Variants in ZFPM2 observed in about 807,000 individuals in gnomAD.
ZFPM2 encodes the protein zinc finger protein ZFPM2.
Under a neutral mutation model 98.6 loss-of-function variants are expected in ZFPM2, and 20 were observed. The ratio of observed to expected loss-of-function variants is 0.20; its 90% CI spans 0.14 to 0.29. The LOEUF (loss-of-function observed/expected upper bound fraction) is 0.29. Among genes scored for constraint, ZFPM2 ranks in the 10% least tolerant of loss-of-function variants. The pLI is 1.00. For synonymous variants in ZFPM2, 518 were observed against 502.7 expected (o/e 1.03, Z -0.41); for missense variants, 1,310 against 1,388.6 (o/e 0.94, Z 0.90).
At chr8:105,700,726 G>T (rs1811122114) in intron 5 of ZFPM2, among the ~76,000 whole-genome samples, 1 of 152,070 alleles carries the variant, frequency 6.6e-6, no homozygotes, top group Non-Finnish European at 1.5e-5. Context: ...CTCCTGAGTA[G>T]CTGGGATTAC....
intron 2 of ZFPM2, among the ~76,000 whole-genome samples, chr8:105,426,961 CA>C (rs1176392400): frequency 6.6e-6 from 1 of 151,518 alleles, no homozygotes; most frequent in Non-Finnish European, 1.5e-5. Flanking sequence ...CACCTGAAAA[CA>C]AAAAAATAGT....
intron 3 of ZFPM2, among the ~76,000 whole-genome samples, chr8:105,447,146 T>A (rs907634485): frequency 6.6e-6 from 1 of 152,002 alleles, no homozygotes; most frequent in African/African-American, 2.4e-5. Context: ...ATTGTTTTCC[T>A]GTCTTAAAAT....
At chr8:105,721,968 A>G (rs976069164) in intron 5 of ZFPM2, among the ~76,000 whole-genome samples, 3 of 151,966 alleles carry the variant, frequency 2.0e-5, no homozygotes, top group African/African-American at 7.2e-5. Flanking sequence ...CAAAGACTTA[A>G]TACTATATAT....
At chr8:105,769,060 T>C (rs529866405) in intron 5 of ZFPM2, among the ~76,000 whole-genome samples, 62 of 152,112 alleles carry the variant, frequency 4.1e-4, no homozygotes, top group African/African-American at 1.4e-3. Flanking sequence ...ATTTGGAAGT[T>C]TGAAGAAAAC....
chr8:105,570,716 C>A (rs774793119), intron 4 of ZFPM2, among the ~76,000 whole-genome samples: 23 of 152,120 alleles, frequency 1.5e-4, no homozygotes, highest in Admixed American at 4.6e-4. Flanking sequence ...TGAAGTCTTT[C>A]CAGGTTCTTT....
At chr8:105,470,312 T>C (rs1207535814) in intron 3 of ZFPM2, among the ~76,000 whole-genome samples, 1 of 152,178 alleles carries the variant, frequency 6.6e-6, no homozygotes, top group East Asian at 1.9e-4. Flanking sequence ...AGGTGACCTT[T>C]GAAAAGTAAG....
intron 3 of ZFPM2, among the ~76,000 whole-genome samples, chr8:105,446,277 T>C (rs767260428): frequency 4.6e-5 from 7 of 152,206 alleles, no homozygotes; most frequent in Admixed American, 1.3e-4. Context: ...TGTTTTTACA[T>C]TTAAAAGTTT....
chr8:105,645,954 G>A (rs1438953721), intron 5 of ZFPM2, among the ~76,000 whole-genome samples: 1 of 151,678 alleles, frequency 6.6e-6, no homozygotes, highest in African/African-American at 2.4e-5. Context: ...TCTGGAGGCT[G>A]AGATGGGAGA....
chr8:105,528,437 A>G (rs1814222077), intron 3 of ZFPM2, among the ~76,000 whole-genome samples: 1 of 152,082 alleles, frequency 6.6e-6, no homozygotes, highest in African/African-American at 2.4e-5. Flanking sequence ...AAAGGGAGAA[A>G]GGGAGAAAGC....
At chr8:105,457,645 A>G (rs1294137212) in intron 3 of ZFPM2, among the ~76,000 whole-genome samples, 1 of 152,200 alleles carries the variant, frequency 6.6e-6, no homozygotes, top group African/African-American at 2.4e-5. Context: ...TGGTAAATTC[A>G]CATTGGACCC....
intron 5 of ZFPM2, among the ~76,000 whole-genome samples, chr8:105,666,073 A>G (rs1163547299): frequency 1.3e-5 from 2 of 150,992 alleles, no homozygotes; most frequent in Non-Finnish European, 2.9e-5. Context: ...CATTGATATT[A>G]TTTGAATCAT....
intron 5 of ZFPM2, among the ~76,000 whole-genome samples, chr8:105,733,055 C>T (rs541076617): frequency 2.0e-5 from 3 of 151,790 alleles, no homozygotes; most frequent in South Asian, 2.1e-4. Context: ...ATGTTAAGTC[C>T]GCTGTTCATA....
intron 1 of ZFPM2, among the ~76,000 whole-genome samples, chr8:105,380,022 G>A (rs776506388): frequency 3.3e-5 from 5 of 152,170 alleles, no homozygotes; most frequent in African/African-American, 4.8e-5. Flanking sequence ...AAAATGCTCC[G>A]TTATATAGAA....
chr8:105,768,106 CTT>C (rs796260610), intron 5 of ZFPM2, among the ~76,000 whole-genome samples: 4 of 150,744 alleles, frequency 2.7e-5, no homozygotes, highest in Admixed American at 6.6e-5. Context: ...CTCTCTCTCT[CTT>C]TCTCTCTCTC....
chr8:105,672,022 G>T (rs1817607895), intron 5 of ZFPM2, among the ~76,000 whole-genome samples: 1 of 152,036 alleles, frequency 6.6e-6, no homozygotes, highest in Admixed American at 6.6e-5. Flanking sequence ...TTACTTTTCA[G>T]TAGAATGAAA....
intron 1 of ZFPM2, among the ~76,000 whole-genome samples, chr8:105,383,480 A>C (rs2129890297): frequency 6.6e-6 from 1 of 152,286 alleles, no homozygotes; most frequent in Admixed American, 6.5e-5. Context: ...GTTTTAATAT[A>C]TTTATGTAAA....
At chr8:105,569,835 G>T (rs940418265) in intron 4 of ZFPM2, among the ~76,000 whole-genome samples, 8 of 152,010 alleles carry the variant, frequency 5.3e-5, no homozygotes, top group African/African-American at 1.9e-4. Context: ...ATCTGTCTCT[G>T]CTTGGAAACT....
chr8:105,702,578 C>T (rs570386335), intron 5 of ZFPM2, among the ~76,000 whole-genome samples: 8 of 152,286 alleles, frequency 5.3e-5, no homozygotes, highest in South Asian at 4.1e-4. Context: ...TGTTCTTTAA[C>T]GGCAAACCAA....
intron 2 of ZFPM2, among the ~76,000 whole-genome samples, chr8:105,431,921 C>CAAAAAAAAA (rs150549199): frequency 1.5e-4 from 20 of 133,460 alleles, no homozygotes; most frequent in South Asian, 4.6e-4. Flanking sequence ...GACTGTGTCT[C>CAAAAAAAAA]AAAAAAAAGA....
Sources: allele counts gnomAD v4.1 joint callset (sites outside exome capture counted in the v4.1 genomes callset), GRCh38; gene constraint gnomAD v4.1.1; transcripts MANE v1.5; gene names NCBI Gene and HGNC (gene_info 2026-07-23, HGNC 2026-07-21).